The following CSF1R variants were observed in gnomAD, a reference collection of about 807,000 sequenced individuals.
The protein encoded by CSF1R is colony stimulating factor 1 receptor.
Under a neutral mutation model 110.0 loss-of-function variants are expected in CSF1R, and 40 were observed. The observed-to-expected ratio is 0.36, with a 90% confidence interval of 0.28 to 0.47. CSF1R has a LOEUF of 0.47. Among genes scored for constraint, CSF1R ranks in the 20% least tolerant of loss-of-function variants. The probability of loss-of-function intolerance (pLI) is 0.99; values close to 1 mark genes in which losing one functional copy is unlikely to be tolerated. For missense variants in CSF1R, 1,052 were observed against 1,253.0 expected (o/e 0.84, Z 2.42); for synonymous variants, 523 against 503.4 (o/e 1.04, Z -0.52).
intron 1 of CSF1R, among the ~76,000 whole-genome samples, chr5:150,093,518 T>C (rs1759111721): frequency 6.6e-6 from 1 of 152,222 alleles, no homozygotes; most frequent in Non-Finnish European, 1.5e-5. Flanking sequence ...GAGGTATAAA[T>C]TATAAGCCAA....
At chr5:150,062,088 T>A (rs768779760) in intron 10 of CSF1R, among the ~76,000 whole-genome samples, 7 of 152,128 alleles carry the variant, frequency 4.6e-5, no homozygotes, top group Admixed American at 1.3e-4. Flanking sequence ...TCACTATTTG[T>A]GTATTGAAGA....
chr5:150,069,691 G>A (rs1283331841), intron 9 of CSF1R, among the ~76,000 whole-genome samples, 182 bp downstream of exon 9: 1 of 152,082 alleles, frequency 6.6e-6, no homozygotes, highest in African/African-American at 2.4e-5. Context: ...TGCTTCGGGG[G>A]ACCTGCCAGG....
intron 1 of CSF1R, among the ~76,000 whole-genome samples, chr5:150,107,902 G>C (rs1759600690): frequency 6.6e-6 from 1 of 152,236 alleles, no homozygotes; most frequent in Non-Finnish European, 1.5e-5. Flanking sequence ...GGACATGGTG[G>C]TGAACAGGTC....
intron 1 of CSF1R, among the ~76,000 whole-genome samples, chr5:150,110,317 C>A (rs1759680288): frequency 6.6e-6 from 1 of 152,238 alleles, no homozygotes; most frequent in African/African-American, 2.4e-5. Flanking sequence ...CTTCCCCTCC[C>A]CTGTCAAGGT....
intron 6 of CSF1R, among the ~76,000 whole-genome samples, chr5:150,072,387 G>T (rs569393028): frequency 1.3e-5 from 2 of 152,018 alleles, no homozygotes; most frequent in East Asian, 3.9e-4. Flanking sequence ...CCAGCTACTC[G>T]GGAGGCTGAG....
At chr5:150,065,964 T>C (rs893284353) in intron 10 of CSF1R, among the ~76,000 whole-genome samples, 5 of 152,238 alleles carry the variant, frequency 3.3e-5, no homozygotes, top group African/African-American at 9.6e-5. Flanking sequence ...CTGTGGGCAC[T>C]GCGAGGCAGT....
rs556273008 is a variant in CSF1R at position 150,068,979 on chromosome 5, C to T, written c.1511-649G>A. Among the ~76,000 whole-genome samples the T allele has an allele frequency of 5.3e-5, 8 of 152,330 alleles. 1 individual carries two copies. In the South Asian group the frequency reaches 1.7e-3, roughly 32 times the overall value. On this transcript the variant is annotated intron_variant, in intron 9 of 20. Transcript: ENST00000675795. ...TGTGACATTGAGCCTAGGGAAAATT[C>T]TATTTATTTCCTAGGTTTGTAGGAG...
intron 6 of CSF1R, among the ~76,000 whole-genome samples, chr5:150,071,583 T>A (rs1238538720): frequency 6.6e-6 from 1 of 152,212 alleles, no homozygotes; most frequent in African/African-American, 2.4e-5. Context: ...CTTTTTTGGA[T>A]AATTGAAAGT....
intron 1 of CSF1R, among the ~76,000 whole-genome samples, chr5:150,100,433 G>A (rs1203167422): frequency 6.6e-6 from 1 of 151,612 alleles, no homozygotes; most frequent in Non-Finnish European, 1.5e-5. Context: ...GAGTAGCTGG[G>A]ACTAAAGGCA....
chr5:150,070,735 G>A (rs562086367), intron 6 of CSF1R, among the ~76,000 whole-genome samples, 164 bp from the exon 7 acceptor site: 1 of 152,334 alleles, frequency 6.6e-6, no homozygotes, highest in South Asian at 2.1e-4. Context: ...GTGCCATTGA[G>A]ACATGCAAAA....
upstream of CSF1R, among the ~76,000 whole-genome samples, chr5:150,086,802 C>T (rs1275376190): frequency 1.1e-4 from 16 of 152,052 alleles, no homozygotes; most frequent in Admixed American, 9.8e-4. Context: ...GCAGCCAGAC[C>T]GTTAGTCAGT....
chr5:150,054,830 A>T (rs558107002), intron 19 of CSF1R: 3 of 233,556 alleles, frequency 1.3e-5, no homozygotes, highest in South Asian at 8.0e-5. Context: ...CTACTAAAAA[A>T]TTTTTTAAAA....
chr5:150,087,155 G>A (rs1275946812), upstream of CSF1R, among the ~76,000 whole-genome samples: 1 of 152,166 alleles, frequency 6.6e-6, no homozygotes, highest in Non-Finnish European at 1.5e-5. Context: ...CCAGATTCGT[G>A]TCTGCTGCAG....
intron 18 of CSF1R, among the ~76,000 whole-genome samples, 180 bp downstream of exon 18, chr5:150,055,846 A>T (rs1055327546): frequency 2.0e-5 from 3 of 152,250 alleles, no homozygotes; most frequent in Non-Finnish European, 4.4e-5. Context: ...AGCGCCTGTC[A>T]GGGGCAGAGG....
intron 1 of CSF1R, among the ~76,000 whole-genome samples, chr5:150,106,854 G>A (rs1344581478): frequency 6.6e-6 from 1 of 152,178 alleles, no homozygotes; most frequent in South Asian, 2.1e-4. Context: ...TTGCCTGACT[G>A]AGTCCCTGTC....
chr5:150,065,725 A>G (rs1757738641), intron 10 of CSF1R, among the ~76,000 whole-genome samples: 1 of 152,184 alleles, frequency 6.6e-6, no homozygotes, highest in Non-Finnish European at 1.5e-5. Flanking sequence ...GAATGGGTGT[A>G]GGGGAGGAGG....
chr5:150,099,738 G>A (rs1401833914), intron 1 of CSF1R, among the ~76,000 whole-genome samples: 2 of 150,370 alleles, frequency 1.3e-5, no homozygotes, highest in African/African-American at 2.5e-5. Flanking sequence ...TCAAAGAACC[G>A]GCAGGGGGGT....
chr5:150,066,215 C>T (rs1044672977), intron 10 of CSF1R, among the ~76,000 whole-genome samples: 5 of 152,144 alleles, frequency 3.3e-5, no homozygotes, highest in Admixed American at 3.3e-4. Context: ...CAAGAGTGTG[C>T]AGCTCCCATC....
At chr5:150,078,351 C>T (rs1758368422) in intron 3 of CSF1R, 103 bp from the exon 4 acceptor site, 4 of 1,418,480 alleles carry the variant, frequency 2.8e-6, no homozygotes, top group South Asian at 1.4e-5. Context: ...CCAGGGTCCC[C>T]ATCACTGCCC....
Sources: allele counts gnomAD v4.1 joint callset (sites outside exome capture counted in the v4.1 genomes callset), GRCh38; gene constraint gnomAD v4.1.1; transcripts MANE v1.5; gene names NCBI Gene and HGNC (gene_info 2026-07-23, HGNC 2026-07-21).